The following NAV2 variants were observed in gnomAD, a reference collection of about 807,000 sequenced individuals.
NAV2 encodes neuron navigator 2, also known as helicase, APC down-regulated 1.
Under a neutral mutation model 223.2 loss-of-function variants are expected in NAV2, and 54 were observed. That is an observed-to-expected ratio of 0.24 (90% CI 0.19 to 0.30). The LOEUF (loss-of-function observed/expected upper bound fraction) is 0.30, where lower values mean the gene tolerates loss of function less well. Among genes scored for constraint, NAV2 ranks in the 10% least tolerant of loss-of-function variants. The pLI, the probability that NAV2 is intolerant of heterozygous loss-of-function variation, is 1.00. For missense variants in NAV2, 2,806 were observed against 3,147.5 expected (o/e 0.89, Z 2.60); for synonymous variants, 1,279 against 1,239.3 (o/e 1.03, Z -0.67).
chr11:19,813,967 G>A (rs569532639), intron 1 of NAV2, among the ~76,000 whole-genome samples: 2 of 152,306 alleles, frequency 1.3e-5, no homozygotes, highest in East Asian at 3.9e-4. Flanking sequence ...GCAGAGCAGA[G>A]ACCACGAGCC....
At chr11:19,969,559 G>C (rs1168297682) in intron 10 of NAV2, among the ~76,000 whole-genome samples, 1 of 152,054 alleles carries the variant, frequency 6.6e-6, no homozygotes. Flanking sequence ...ACTGCAGACT[G>C]TGCTTAACTC....
At chr11:19,612,573 C>T (rs1463170879) in intron 1 of NAV2, among the ~76,000 whole-genome samples, 6 of 152,194 alleles carry the variant, frequency 3.9e-5, no homozygotes, top group Non-Finnish European at 1.5e-5. Context: ...CCACGAATCT[C>T]TAGGGCAGGG....
chr11:19,461,770 T>C (rs565960883), intron 1 of NAV2, among the ~76,000 whole-genome samples: 73 of 151,966 alleles, frequency 4.8e-4, no homozygotes, highest in African/African-American at 3.4e-4. Context: ...TATCAGAGAG[T>C]ATTTTGAGAA....
intron 10 of NAV2, among the ~76,000 whole-genome samples, chr11:19,978,088 G>A (rs2049955295): frequency 6.6e-6 from 1 of 151,508 alleles, no homozygotes; most frequent in Admixed American, 6.6e-5. Context: ...GCCTCCCAAA[G>A]TGCTGGGACT....
intron 1 of NAV2, among the ~76,000 whole-genome samples, chr11:19,572,050 G>A (rs1293219091): frequency 6.6e-6 from 1 of 152,208 alleles, no homozygotes. Flanking sequence ...CTGCTACCTG[G>A]GGCAGGACCA....
At chr11:19,886,760 A>G (rs895728388) in intron 5 of NAV2, among the ~76,000 whole-genome samples, 7 of 152,194 alleles carry the variant, frequency 4.6e-5, no homozygotes, top group Admixed American at 1.3e-4. Flanking sequence ...GGCAGGGGGA[A>G]GAGAGGAAGC....
At chr11:19,735,947 G>A (rs980432452) in intron 1 of NAV2, among the ~76,000 whole-genome samples, 14 of 152,212 alleles carry the variant, frequency 9.2e-5, no homozygotes. Flanking sequence ...GCTGCCATCT[G>A]CCCAGTATGG....
At chr11:19,594,309 T>A (rs2046143526) in intron 1 of NAV2, among the ~76,000 whole-genome samples, 1 of 152,182 alleles carries the variant, frequency 6.6e-6, no homozygotes, top group Non-Finnish European at 1.5e-5. Flanking sequence ...TCTGTCTGTG[T>A]CATTAAGTTT....
At chr11:20,108,341 G>T (rs1038781070) in intron 36 of NAV2, among the ~76,000 whole-genome samples, 2 of 152,204 alleles carry the variant, frequency 1.3e-5, no homozygotes, top group South Asian at 4.1e-4. Flanking sequence ...CCCTGAGGCT[G>T]GTGGCATTCT....
At chr11:19,653,255 T>A (rs936359468) in intron 1 of NAV2, among the ~76,000 whole-genome samples, 1 of 152,236 alleles carries the variant, frequency 6.6e-6, no homozygotes, top group Non-Finnish European at 1.5e-5. Flanking sequence ...ACATGGGAAA[T>A]GTACCAGCCT....
At chr11:19,439,095 G>A (rs1372582270) in intron 1 of NAV2, among the ~76,000 whole-genome samples, 2 of 152,062 alleles carry the variant, frequency 1.3e-5, no homozygotes, top group Non-Finnish European at 2.9e-5. Flanking sequence ...CCCACAAAGG[G>A]TCACCTCATT....
intron 1 of NAV2, among the ~76,000 whole-genome samples, chr11:19,657,189 G>A (rs1163633830): frequency 6.6e-6 from 1 of 152,092 alleles, no homozygotes; most frequent in Non-Finnish European, 1.5e-5. Flanking sequence ...AAGACCAGTG[G>A]CTCAACCTAG....
intron 10 of NAV2, among the ~76,000 whole-genome samples, chr11:19,953,142 T>C (rs1311144098): frequency 6.6e-6 from 1 of 152,204 alleles, no homozygotes; most frequent in East Asian, 1.9e-4. Context: ...ATGATTTTTT[T>C]TTTCTTTTCA....
At chr11:19,938,940 G>C (rs2046163242) in intron 7 of NAV2, among the ~76,000 whole-genome samples, 1 of 152,212 alleles carries the variant, frequency 6.6e-6, no homozygotes, top group Non-Finnish European at 1.5e-5. Flanking sequence ...TTACATGCAG[G>C]GTCATGCATC....
intron 1 of NAV2, among the ~76,000 whole-genome samples, chr11:19,528,528 G>T (rs1359561886): frequency 6.6e-6 from 1 of 152,192 alleles, no homozygotes; most frequent in Non-Finnish European, 1.5e-5. Context: ...CGGCAGGTGG[G>T]CAGAGGCGGC....
intron 25 of NAV2, among the ~76,000 whole-genome samples, chr11:20,081,995 C>G (rs1244504706): frequency 6.6e-6 from 1 of 152,112 alleles, no homozygotes; most frequent in Admixed American, 6.5e-5. Flanking sequence ...ATTTTCAGAT[C>G]CATCTCATGA....
intron 1 of NAV2, among the ~76,000 whole-genome samples, chr11:19,666,512 G>A (rs1158808168): frequency 2.0e-5 from 3 of 152,010 alleles, no homozygotes; most frequent in Non-Finnish European, 2.9e-5. Context: ...AAGTGTGGGT[G>A]GCCTGAGCTC....
In NAV2 at chr11:19,661,130, C is replaced by A. The variant is rs375259679; in HGVS notation, c.76-171354C>A. On this transcript the variant is annotated intron_variant, in intron 1 of 37. Transcript: ENST00000360655. ...GCCCCAGCTCCCAGCCCCAGGCAAC[C>A]ACTATTCAGCTTTCTGTCTGTATGA... Among the ~76,000 whole-genome samples, 14 of 152,296 alleles carry A rather than the reference C, an allele frequency of 9.2e-5. No homozygotes were observed. The East Asian group carries it at 9.6e-4, about 10-fold the overall frequency.
At chr11:19,708,261 G>A (rs1344063580), upstream of NAV2, among the ~76,000 whole-genome samples, 2 of 152,116 alleles carry the variant, frequency 1.3e-5, no homozygotes, top group Non-Finnish European at 2.9e-5. Flanking sequence ...ACTACTAAAA[G>A]GTGAGCCTTT....
Sources: gnomAD v4.1 joint callset for allele counts (sites outside exome capture counted in the v4.1 genomes callset) on GRCh38, gnomAD v4.1.1 for gene constraint, MANE v1.5 for transcripts, NCBI Gene and HGNC (gene_info 2026-07-23, HGNC 2026-07-21) for gene names.